The following CRACD variants were observed in gnomAD, a reference collection of about 807,000 sequenced individuals.
The protein encoded by CRACD is capping protein-inhibiting regulator of actin dynamics.
A neutral mutation model predicts 106.8 loss-of-function variants in CRACD; 56 were observed. That is an observed-to-expected ratio of 0.52 (90% CI 0.42 to 0.66). The LOEUF (loss-of-function observed/expected upper bound fraction) is 0.66. CRACD is among the 30% of genes least tolerant of loss of function. The pLI, the probability that CRACD is intolerant of heterozygous loss-of-function variation, is 0.00. For synonymous variants in CRACD, 754 were observed against 670.8 expected (o/e 1.12, Z -1.92); for missense variants, 1,730 against 1,623.2 (o/e 1.07, Z -1.13).
At chr4:56,180,345 T>C (rs1375785379) in intron 2 of CRACD, among the ~76,000 whole-genome samples, 1 of 151,114 alleles carries the variant, frequency 6.6e-6, no homozygotes, top group Non-Finnish European at 1.5e-5. Flanking sequence ...CAAAAACAGC[T>C]GGGCGTGATG....
chr4:56,295,073 G>A (rs1468069627), intron 3 of CRACD, among the ~76,000 whole-genome samples: 3 of 151,328 alleles, frequency 2.0e-5, no homozygotes. Context: ...TATAAAAACA[G>A]GTAAGTAAAA....
chr4:56,282,244 A>G (rs376272886), intron 3 of CRACD, among the ~76,000 whole-genome samples: 15 of 152,240 alleles, frequency 9.9e-5, no homozygotes, highest in African/African-American at 3.1e-4. Context: ...AATCATTGCC[A>G]TAGTAATTAC....
intron 5 of CRACD, 35 bp downstream of exon 5, chr4:56,307,734 T>C (rs1472147194): frequency 6.2e-7 from 1 of 1,610,488 alleles, no homozygotes; most frequent in Admixed American, 1.7e-5. Flanking sequence ...TGATGGCTCA[T>C]AAACCAGGGC....
intron 2 of CRACD, among the ~76,000 whole-genome samples, chr4:56,261,749 C>G (rs1231488416): frequency 6.6e-6 from 1 of 151,998 alleles, no homozygotes; most frequent in Non-Finnish European, 1.5e-5. Context: ...ACTAGAAAAA[C>G]TAAAAATTGA....
rs571366589 is a variant in CRACD at position 56,071,541 on chromosome 4, C to G, written c.-336+22242C>G. Among the ~76,000 whole-genome samples, 5 of 149,080 alleles carry G rather than the reference C, an allele frequency of 3.4e-5. No individual in the cohort carries two copies. In the East Asian group the frequency reaches 7.8e-4, roughly 23 times the overall value. ...TTTTTTTTGGAGATGGAATCTCACTCTGTTGCCCAGGCTGGAGTGCAGTGG... is the reference window on the plus strand; with the variant it reads ...TTTTTTTTGGAGATGGAATCTCACTGTGTTGCCCAGGCTGGAGTGCAGTGG... On this transcript the variant is annotated intron_variant, in intron 1 of 10. Transcript: ENST00000682029.
intron 1 of CRACD, among the ~76,000 whole-genome samples, chr4:56,176,951 GT>G (rs957436671): frequency 1.3e-4 from 20 of 152,010 alleles, no homozygotes; most frequent in Admixed American, 3.3e-4. Flanking sequence ...AGTTCTAACA[GT>G]TTTTTTTAGA....
At chr4:56,309,853 C>CA (rs201229387) in intron 5 of CRACD, among the ~76,000 whole-genome samples, 13 of 150,340 alleles carry the variant, frequency 8.6e-5, no homozygotes, top group Non-Finnish European at 1.5e-4. Flanking sequence ...GACTTTGTCT[C>CA]AAAAAAAATA....
chr4:56,122,560 A>G (rs1734525874), intron 1 of CRACD, among the ~76,000 whole-genome samples: 1 of 152,148 alleles, frequency 6.6e-6, no homozygotes. Flanking sequence ...ACTGATAAAC[A>G]TGCATTATGC....
chr4:56,133,670 G>T (rs555854147), intron 1 of CRACD, among the ~76,000 whole-genome samples: 48 of 152,244 alleles, frequency 3.2e-4, no homozygotes, highest in African/African-American at 1.1e-3. Flanking sequence ...AAATTACAAG[G>T]ACAATTCAGA....
At chr4:56,225,979 A>G (rs1739279187) in intron 2 of CRACD, among the ~76,000 whole-genome samples, 1 of 152,166 alleles carries the variant, frequency 6.6e-6, no homozygotes, top group Non-Finnish European at 1.5e-5. Flanking sequence ...CTCCTTATCC[A>G]TTTAGATATT....
chr4:56,138,799 T>C (rs1735093184), intron 1 of CRACD, among the ~76,000 whole-genome samples: 1 of 152,212 alleles, frequency 6.6e-6, no homozygotes, highest in Non-Finnish European at 1.5e-5. Flanking sequence ...GTTTCAAACC[T>C]TTTGACCTAG....
intron 4 of CRACD, among the ~76,000 whole-genome samples, chr4:56,306,794 A>T (rs1324493183): frequency 6.6e-6 from 1 of 152,254 alleles, no homozygotes; most frequent in East Asian, 1.9e-4. Context: ...ACTCACCAGT[A>T]GTCAGTCCCT....
chr4:56,086,645 C>G (rs1560446749), intron 1 of CRACD, among the ~76,000 whole-genome samples: 1 of 152,118 alleles, frequency 6.6e-6, no homozygotes, highest in South Asian at 2.1e-4. Context: ...GATCCTCTTC[C>G]CTACCCCTCC....
intron 3 of CRACD, among the ~76,000 whole-genome samples, chr4:56,289,606 C>T (rs1004312053): frequency 1.1e-4 from 16 of 150,688 alleles, no homozygotes; most frequent in Non-Finnish European, 2.2e-4. Flanking sequence ...CTGGAGAGTT[C>T]GAAGCTGCAG....
chr4:56,161,149 A>G (rs750303689), intron 1 of CRACD, among the ~76,000 whole-genome samples: 4 of 152,212 alleles, frequency 2.6e-5, no homozygotes, highest in East Asian at 1.9e-4. Context: ...TTCTCGGTCT[A>G]TGGATTTGTA....
At chr4:56,162,092 C>G (rs1735980128) in intron 1 of CRACD, among the ~76,000 whole-genome samples, 1 of 152,132 alleles carries the variant, frequency 6.6e-6, no homozygotes, top group South Asian at 2.1e-4. Flanking sequence ...ACAGCCTAAC[C>G]AGGGCAGGTG....
chr4:56,289,012 C>G (rs1475539334), intron 3 of CRACD, among the ~76,000 whole-genome samples: 1 of 152,096 alleles, frequency 6.6e-6, no homozygotes, highest in Non-Finnish European at 1.5e-5. Flanking sequence ...TGAAATAAGC[C>G]AGGCACAAAA....
intron 2 of CRACD, among the ~76,000 whole-genome samples, chr4:56,210,268 G>C (rs923368015): frequency 1.3e-5 from 2 of 152,118 alleles, no homozygotes; most frequent in Admixed American, 1.3e-4. Flanking sequence ...ATATGTGCAG[G>C]TTTGTTATAT....
chr4:56,243,738 C>T (rs1423870131), intron 2 of CRACD, among the ~76,000 whole-genome samples: 2 of 151,926 alleles, frequency 1.3e-5, no homozygotes, highest in Non-Finnish European at 2.9e-5. Flanking sequence ...GAATGGGGTA[C>T]CCATCCCCTG....
Sources: allele counts gnomAD v4.1 joint callset (sites outside exome capture counted in the v4.1 genomes callset), GRCh38; gene constraint gnomAD v4.1.1; transcripts MANE v1.5; gene names NCBI Gene and HGNC (gene_info 2026-07-23, HGNC 2026-07-21).